The following RNF24 variants were observed in gnomAD, a reference collection of about 807,000 sequenced individuals.
RNF24 encodes ring finger protein 24.
Under a neutral mutation model 20.0 loss-of-function variants are expected in RNF24, and 14 were observed. That is an observed-to-expected ratio of 0.70 (90% CI 0.46 to 1.10). The LOEUF (loss-of-function observed/expected upper bound fraction) is 1.10. RNF24 is among the 50% of genes least tolerant of loss of function. The pLI, the probability that RNF24 is intolerant of heterozygous loss-of-function variation, is 0.00. For synonymous variants in RNF24, 45 were observed against 61.1 expected, an observed-to-expected ratio of 0.74 and a Z score of 1.23; for missense variants, 124 against 177.6, an observed-to-expected ratio of 0.70 and a Z score of 1.71.
At chr20:3,979,142 C>T (rs899890350) in intron 1 of RNF24, among the ~76,000 whole-genome samples, 45 of 149,430 alleles carry the variant, frequency 3.0e-4, no homozygotes, top group Admixed American at 1.4e-3. Context: ...TATATATCTA[C>T]GTATCTATAC....
intron 1 of RNF24, among the ~76,000 whole-genome samples, chr20:4,012,777 G>C (rs2122176677): frequency 6.6e-6 from 1 of 152,244 alleles, no homozygotes; most frequent in East Asian, 1.9e-4. Context: ...TTCCTTTGTT[G>C]ATATTAAAAA....
At chr20:3,953,914 G>A (rs776975987) in intron 2 of RNF24, among the ~76,000 whole-genome samples, 3 of 150,784 alleles carry the variant, frequency 2.0e-5, no homozygotes, top group East Asian at 3.9e-4. Context: ...GTGCCACCAC[G>A]TCCAGCTAAT....
intron 1 of RNF24, among the ~76,000 whole-genome samples, chr20:3,991,328 T>A (rs142870416): frequency 0.016 from 2,428 of 148,512 alleles, 33 homozygotes; most frequent in Middle Eastern, 0.052. Context: ...CTTGGCTTAC[T>A]GCAACCTCCG....
Position 3,945,237 on chromosome 20 carries a change from T to A in RNF24, c.187-19A>T. On this transcript the variant is annotated intron_variant, in intron 3 of 5. Coordinates refer to ENST00000358395, the MANE Select transcript of RNF24 (RefSeq NM_001134337.3). ...ATATAACCTGTAAGACAAAAAAGTATGTTCTTATGCCCATTTAAATCTGTA... is the reference window on the plus strand; with the variant it reads ...ATATAACCTGTAAGACAAAAAAGTAAGTTCTTATGCCCATTTAAATCTGTA... 3 of 1,577,746 alleles carry A rather than the reference T, an allele frequency of 1.9e-6. No homozygotes were observed. The highest frequency in any genetic ancestry group is 2.6e-6 in the Non-Finnish European group (3 of 1,158,886).
chr20:3,934,306 TG>T lies in RNF24; in HGVS notation c.309-106del. 1.7e-6 allele frequency: 2 copies of T among 1,191,190 alleles called. No homozygotes were observed. Among genetic ancestry groups the T allele is most frequent in the Non-Finnish European group, 2.3e-6 (2 of 864,230 alleles). 73.8% of individuals were successfully genotyped at this position (1,191,190 alleles called of 1,614,324 possible). A position where few individuals can be genotyped will look rare whatever the true frequency, so the allele number is the denominator to read the frequency against. On this transcript the variant is annotated intron_variant, in intron 5 of 5. Coordinates refer to ENST00000358395, the MANE Select transcript of RNF24 (RefSeq NM_001134337.3). This position sits in a 1 kb window ranked among gnomAD's most constrained non-coding sequence, Gnocchi z 4.0. ...TGTCACCCAGACAACGTCTGCTGTATGGTCCAAGGAGCTCCCCTCCTAGGTG... is the reference window on the plus strand; with the variant it reads ...TGTCACCCAGACAACGTCTGCTGTATGTCCAAGGAGCTCCCCTCCTAGGTG...
chr20:3,987,180 G>C (rs1179468068), intron 1 of RNF24, among the ~76,000 whole-genome samples: 1 of 152,156 alleles, frequency 6.6e-6, no homozygotes, highest in Non-Finnish European at 1.5e-5. Context: ...ATGGGTTAGG[G>C]GGAAACAACA....
chr20:3,966,478 G>A (rs984576986), intron 1 of RNF24, among the ~76,000 whole-genome samples: 1 of 150,116 alleles, frequency 6.7e-6, no homozygotes, highest in Admixed American at 6.6e-5. Flanking sequence ...TAGTGTGTGT[G>A]TGTGTGTGTG....
At chr20:4,014,929 G>A (rs1982772308) in intron 1 of RNF24, among the ~76,000 whole-genome samples, 1 of 152,176 alleles carries the variant, frequency 6.6e-6, no homozygotes, top group Non-Finnish European at 1.5e-5. Context: ...TGTGACAACG[G>A]GGCACGAGAC....
At position 3,988,272 on chromosome 20, in the gene RNF24, C is replaced by T. The variant is rs866076810; in HGVS notation, c.-7-24248G>A. 4.0e-5 allele frequency among the ~76,000 whole-genome samples: 6 copies of T among 151,850 alleles called. 2 individuals carry two copies. In the South Asian group the frequency reaches 1.3e-3, roughly 32 times the overall value. On this transcript the variant is annotated intron_variant, in intron 1 of 5. Coordinates refer to ENST00000358395, the MANE Select transcript of RNF24 (RefSeq NM_001134337.3). ...CCAGGAAGTCAATGCTGCAGTGAGC[C>T]GTGATCATGCCACTGCACTCCAGCC...
chr20:3,948,820 CT>C (rs1299371465), intron 2 of RNF24, among the ~76,000 whole-genome samples: 1 of 152,122 alleles, frequency 6.6e-6, no homozygotes, highest in Non-Finnish European at 1.5e-5. Context: ...GGTATATACT[CT>C]TTTGTGTTTG....
intron 1 of RNF24, among the ~76,000 whole-genome samples, chr20:3,982,103 G>C (rs1056787086): frequency 1.5e-5 from 2 of 137,026 alleles, no homozygotes; most frequent in South Asian, 2.3e-4. Flanking sequence ...GTGAGACCTC[G>C]TCTCTCTCTC....
At position 3,929,821 on chromosome 20, in the gene RNF24, A is replaced by G. The variant is rs1006588176; in HGVS notation, c.*4242T>C. Reference sequence around the variant, plus strand: ...ATTTGGGGTAAGGGAGGGACTGCAGATTCTGATTTGTACAGAAAACTAAAA... The same window carrying G: ...ATTTGGGGTAAGGGAGGGACTGCAGGTTCTGATTTGTACAGAAAACTAAAA... On this transcript the variant is annotated 3_prime_UTR_variant, in exon 6 of 6. Coordinates refer to ENST00000358395, the MANE Select transcript of RNF24 (RefSeq NM_001134337.3). 6.6e-6 allele frequency: 1 copy of G among 152,246 alleles called. No homozygotes were observed. Among genetic ancestry groups the G allele is most frequent in the Non-Finnish European group, 1.5e-5 (1 of 68,042 alleles). The allele number at this position is 152,246 out of a possible 1,614,324, so 9.4% of individuals were successfully genotyped here.
rs1381742267 is a variant in RNF24, at chr20:3,932,293, CATAA to C, written c.*1766_*1769del. On this transcript the variant is annotated 3_prime_UTR_variant, in exon 6 of 6. Transcript: ENST00000358395. ...CAAAAAGACGGTGAAAGTAGGAGTG[CATAA>C]ATAGTTTTTTTCATGGGTGCCAGAC... 20 of 152,204 alleles carry C rather than the reference CATAA, an allele frequency of 1.3e-4. No individual in the cohort carries two copies. The highest frequency in any genetic ancestry group is 2.2e-4 in the African/African-American group (9 of 41,442). 9.4% of individuals were successfully genotyped at this position (152,204 alleles called of 1,614,324 possible). A position where few individuals can be genotyped will look rare whatever the true frequency, so the allele number is the denominator to read the frequency against.
intron 1 of RNF24, among the ~76,000 whole-genome samples, chr20:3,986,190 C>T (rs1199535107): frequency 6.6e-6 from 1 of 152,124 alleles, no homozygotes; most frequent in Non-Finnish European, 1.5e-5. Flanking sequence ...GTTCTTTTCA[C>T]AGGTATGGAT....
At chr20:3,972,180 A>T (rs1275149495) in intron 1 of RNF24, among the ~76,000 whole-genome samples, 4 of 152,210 alleles carry the variant, frequency 2.6e-5, no homozygotes, top group Non-Finnish European at 4.4e-5. Flanking sequence ...AAGGAGATAT[A>T]AAGAAATCTA....
rs1381018003 is a variant in RNF24 at position 3,931,263 on chromosome 20, C to G, written c.*2800G>C. 6.6e-6 allele frequency: 1 copy of G among 152,206 alleles called. No individual in the cohort carries two copies. Among genetic ancestry groups the G allele is most frequent in the Non-Finnish European group, 1.5e-5 (1 of 68,078 alleles). 9.4% of individuals were successfully genotyped at this position (152,206 alleles called of 1,614,324 possible). On this transcript the variant is annotated 3_prime_UTR_variant, in exon 6 of 6. Coordinates refer to ENST00000358395, the MANE Select transcript of RNF24 (RefSeq NM_001134337.3). Reference sequence around the variant, plus strand: ...ACCAGCCAGTGGTCCAAGAGCAGACCAGAATCCCCACGCAGCTACACAGTA... The same window carrying G: ...ACCAGCCAGTGGTCCAAGAGCAGACGAGAATCCCCACGCAGCTACACAGTA...
At chr20:3,972,294 C>A (rs116494263) in intron 1 of RNF24, among the ~76,000 whole-genome samples, 1,543 of 152,254 alleles carry the variant, frequency 0.01, 17 homozygotes, top group African/African-American at 0.035. Context: ...AATTAGACAA[C>A]AGGATCTACT....
chr20:4,009,156 C>G (rs561492466), intron 1 of RNF24, among the ~76,000 whole-genome samples: 2 of 152,044 alleles, frequency 1.3e-5, no homozygotes, highest in Non-Finnish European at 2.9e-5. Context: ...AGGGGTAAGT[C>G]ACACAAAAAT....
intron 2 of RNF24, among the ~76,000 whole-genome samples, chr20:3,950,747 G>T (rs986514124): frequency 2.0e-5 from 3 of 152,028 alleles, no homozygotes; most frequent in Non-Finnish European, 4.4e-5. Context: ...TATATACTAT[G>T]TCCACATTTT....
Sources: allele counts gnomAD v4.1 joint callset (sites outside exome capture counted in the v4.1 genomes callset), GRCh38; gene constraint gnomAD v4.1.1; non-coding constraint Gnocchi (gnomAD v3.1); transcripts MANE v1.5; gene names NCBI Gene and HGNC (gene_info 2026-07-23, HGNC 2026-07-21).